The following USP13 variants were observed in gnomAD, a reference collection of about 807,000 sequenced individuals.
USP13 encodes ubiquitin specific peptidase 13, also known as ubiquitin carboxyl-terminal hydrolase 13.
In USP13, 68 loss-of-function variants were observed where a neutral mutation model predicts 107.8. The ratio of observed to expected loss-of-function variants is 0.63; its 90% CI spans 0.52 to 0.77. The LOEUF is 0.77. Among genes scored for constraint, USP13 ranks in the 30% least tolerant of loss-of-function variants. The pLI, the probability that USP13 is intolerant of heterozygous loss-of-function variation, is 0.00. For missense variants in USP13, 945 were observed against 1,093.3 expected, an observed-to-expected ratio of 0.86 and a Z score of 1.91; for synonymous variants, 377 against 389.5, an observed-to-expected ratio of 0.97 and a Z score of 0.38.
At chr3:179,702,956 A>G (rs1298937899) in intron 4 of USP13, among the ~76,000 whole-genome samples, 1 of 152,196 alleles carries the variant, frequency 6.6e-6, no homozygotes, top group Non-Finnish European at 1.5e-5. Flanking sequence ...TTTTCCTTTC[A>G]GCCCCTCATG....
At chr3:179,681,271 TAA>T (rs548718471) in intron 1 of USP13, among the ~76,000 whole-genome samples, 337 of 152,260 alleles carry the variant, frequency 2.2e-3, no homozygotes, top group Non-Finnish European at 4.0e-3. Context: ...TGAGACAAAT[TAA>T]AGAGTCCTTT....
intron 3 of USP13, among the ~76,000 whole-genome samples, chr3:179,691,395 A>C (rs1368501541): frequency 1.3e-5 from 2 of 152,132 alleles, no homozygotes; most frequent in Non-Finnish European, 2.9e-5. Context: ...GACACTTTTG[A>C]AGAGTGCTGG....
In USP13 at chr3:179,721,638, T is replaced by A. The variant is rs1388521104; in HGVS notation, c.1088+49T>A. 6.3e-7 allele frequency: 1 copy of A among 1,582,956 alleles called. No homozygotes were observed. Among genetic ancestry groups the A allele is most frequent in the Admixed American group, 1.7e-5 (1 of 57,312 alleles). ...GGGCACGCGGCACCTCCCTGCCCCA[T>A]CTAGGTCCAGTCCACTCAGTGTGCG... is the stretch of plus-strand genomic sequence containing the variant. On this transcript the variant is annotated intron_variant, in intron 8 of 20. Transcript: ENST00000263966. The surrounding 1 kb of genome is among the most constrained non-coding windows in gnomAD (Gnocchi z 4.3).
At chr3:179,771,873 C>G (rs551083313) in intron 19 of USP13, among the ~76,000 whole-genome samples, 1 of 152,294 alleles carries the variant, frequency 6.6e-6, no homozygotes, top group Admixed American at 6.5e-5. Context: ...TAAATGGCGT[C>G]TAATTTGTTT....
intron 13 of USP13, among the ~76,000 whole-genome samples, chr3:179,751,003 A>T (rs1027083151): frequency 6.6e-6 from 1 of 152,232 alleles, no homozygotes; most frequent in African/African-American, 2.4e-5. Flanking sequence ...AATAGAAGGC[A>T]GTGACTTAGA....
At chr3:179,657,590 G>A (rs1720306288) in intron 1 of USP13, among the ~76,000 whole-genome samples, 2 of 151,138 alleles carry the variant, frequency 1.3e-5, no homozygotes, top group Non-Finnish European at 3.0e-5. Context: ...GTGAAACCCT[G>A]TCTCTACTAA....
intron 1 of USP13, among the ~76,000 whole-genome samples, chr3:179,657,922 A>G (rs568242197): frequency 1.3e-5 from 2 of 152,226 alleles, no homozygotes; most frequent in African/African-American, 4.8e-5. Flanking sequence ...CTGGACCAGC[A>G]TGGAAATCTC....
Position 179,745,125 on chromosome 3 carries a change from A to G in USP13, c.1617A>G (p.Ile539Met), listed in dbSNP as rs1255320983. 6 of 1,614,142 alleles carry G rather than the reference A, an allele frequency of 3.7e-6. No individual in the cohort carries two copies. Among genetic ancestry groups the G allele is most frequent in the Non-Finnish European group, 5.1e-6 (6 of 1,180,030 alleles). ...TTCCTGAGTTGGTACGTGCCAAGATACCATTTAGTGCCTGCCTTCAGGCCT... is the reference window on the plus strand; with the variant it reads ...TTCCTGAGTTGGTACGTGCCAAGATGCCATTTAGTGCCTGCCTTCAGGCCT... ...RPLPELVRAK[I>M]PFSACLQAFS... Residue 539 changes from isoleucine (I) to methionine (M), a missense_variant, in exon 13 of 21, where the codon ATA (isoleucine) becomes ATG (methionine). Physicochemically the swap from Ile to Met is conservative, Grantham distance 10. Transcript: ENST00000263966.
intron 1 of USP13, among the ~76,000 whole-genome samples, chr3:179,671,127 C>A (rs940927663): frequency 6.6e-6 from 1 of 152,048 alleles, no homozygotes; most frequent in Non-Finnish European, 1.5e-5. Context: ...GTGGTGGGCA[C>A]CAGTAATCCC....
At chr3:179,672,632 C>T (rs1419291101) in intron 1 of USP13, among the ~76,000 whole-genome samples, 1 of 152,110 alleles carries the variant, frequency 6.6e-6, no homozygotes, top group East Asian at 1.9e-4. Context: ...TGGGGTTTCA[C>T]CATGTTGGCC....
Position 179,742,204 on chromosome 3 carries a change from G to A in USP13, c.1388G>A (p.Arg463His), listed in dbSNP as rs758485485. 18 of 1,614,172 alleles carry A rather than the reference G, an allele frequency of 1.1e-5. No homozygotes were observed. Among genetic ancestry groups the A allele is most frequent in the East Asian group, 4.5e-5 (2 of 44,888 alleles). ...ATACAATCCATCCTTCAGAGGAACCGCATCGGCTCAGAAAACCCAAGCGAT... is the reference window on the plus strand; with the variant it reads ...ATACAATCCATCCTTCAGAGGAACCACATCGGCTCAGAAAACCCAAGCGAT... ...LHLVNLVERN[R>H]IGSENPSDVF... The change falls in exon 12 of 21, where the codon CGC becomes CAC. Residue 463 changes from arginine (R) to histidine (H), a missense_variant. By Grantham distance (29) the Arg-to-His change is conservative. Coordinates refer to ENST00000263966, the MANE Select transcript of USP13 (RefSeq NM_003940.3). The surrounding 1 kb of genome is among the most constrained non-coding windows in gnomAD (Gnocchi z 5.0).
intron 1 of USP13, among the ~76,000 whole-genome samples, chr3:179,680,036 A>G (rs112870016): frequency 0.015 from 2,285 of 151,968 alleles, 65 homozygotes; most frequent in African/African-American, 0.053. Flanking sequence ...TTAGCTGGGT[A>G]TGGTGGCACG....
At chr3:179,781,534 T>TC (rs1715747309) in intron 19 of USP13, among the ~76,000 whole-genome samples, 1 of 122,974 alleles carries the variant, frequency 8.1e-6, no homozygotes, top group East Asian at 2.1e-4. Flanking sequence ...ATAATTTATG[T>TC]CCTATTTTTT....
At chr3:179,704,125 AC>A (rs1712631131) in intron 4 of USP13, among the ~76,000 whole-genome samples, 1 of 152,198 alleles carries the variant, frequency 6.6e-6, no homozygotes, top group Non-Finnish European at 1.5e-5. Flanking sequence ...TTCAGCTGTC[AC>A]CCATAAAAAG....
chr3:179,746,685 G>C (rs1714420860), intron 13 of USP13, among the ~76,000 whole-genome samples: 1 of 152,102 alleles, frequency 6.6e-6, no homozygotes, highest in South Asian at 2.1e-4. Flanking sequence ...TCCCTCCTTG[G>C]CCTCCCAAAG....
At chr3:179,687,959 C>G (rs150658979) in intron 2 of USP13, among the ~76,000 whole-genome samples, 310 of 152,252 alleles carry the variant, frequency 2.0e-3, no homozygotes, top group Admixed American at 3.3e-3. Context: ...TAGCAAATCA[C>G]TTCTTCTTTC....
At chr3:179,780,109 C>A (rs987634562) in intron 19 of USP13, among the ~76,000 whole-genome samples, 3 of 152,188 alleles carry the variant, frequency 2.0e-5, no homozygotes, top group Admixed American at 2.0e-4. Flanking sequence ...TCTACAAAAA[C>A]CCCACAGTTC....
chr3:179,761,857 G>A (rs1015224463), intron 17 of USP13, among the ~76,000 whole-genome samples: 4 of 152,194 alleles, frequency 2.6e-5, no homozygotes, highest in African/African-American at 4.8e-5. Context: ...CTAACTAAGC[G>A]ATGATGAAAA....
intron 1 of USP13, among the ~76,000 whole-genome samples, chr3:179,671,803 C>T (rs1352469873): frequency 6.6e-6 from 1 of 152,000 alleles, no homozygotes; most frequent in African/African-American, 2.4e-5. Flanking sequence ...GTCTTCTTGG[C>T]CTTCCTTTTC....
Sources: gnomAD v4.1 joint callset for allele counts (sites outside exome capture counted in the v4.1 genomes callset) on GRCh38, gnomAD v4.1.1 for gene constraint, Gnocchi (gnomAD v3.1) non-coding constraint, MANE v1.5 for transcripts, NCBI Gene and HGNC (gene_info 2026-07-23, HGNC 2026-07-21) for gene names.